The following L3MBTL4 variants were observed in gnomAD, a reference collection of about 807,000 sequenced individuals.
The protein encoded by L3MBTL4 is lethal(3)malignant brain tumor-like protein 4.
A neutral mutation model predicts 84.5 loss-of-function variants in L3MBTL4; 70 were observed. That is an observed-to-expected ratio of 0.83 (90% CI 0.68 to 1.01). The LOEUF (loss-of-function observed/expected upper bound fraction) is 1.01. Among genes scored for constraint, L3MBTL4 ranks in the 50% least tolerant of loss-of-function variants. The pLI is 0.00. For missense variants in L3MBTL4, 715 were observed against 754.8 expected (o/e 0.95, Z 0.62); for synonymous variants, 274 against 259.8 (o/e 1.05, Z -0.52).
chr18:6,149,773 C>T (rs1458546670), intron 13 of L3MBTL4, among the ~76,000 whole-genome samples: 2 of 152,166 alleles, frequency 1.3e-5, no homozygotes, highest in Non-Finnish European at 2.9e-5. Context: ...AGAAAACCCA[C>T]CTAATTTGGT....
chr18:6,285,189 C>T (rs1011971958), intron 4 of L3MBTL4, among the ~76,000 whole-genome samples: 2 of 152,190 alleles, frequency 1.3e-5, no homozygotes, highest in African/African-American at 4.8e-5. Context: ...CACAGGGAGG[C>T]AGCCGGATGG....
chr18:6,404,471 T>C (rs1220762595), intron 1 of L3MBTL4, among the ~76,000 whole-genome samples: 1 of 152,192 alleles, frequency 6.6e-6, no homozygotes, highest in African/African-American at 2.4e-5. Flanking sequence ...TCGATTTCTG[T>C]TCTGTTCTGC....
intron 14 of L3MBTL4, among the ~76,000 whole-genome samples, chr18:6,099,464 G>C (rs1328934578): frequency 6.6e-6 from 1 of 150,724 alleles, no homozygotes; most frequent in Non-Finnish European, 1.5e-5. Flanking sequence ...TGGGAAGTAA[G>C]AGCCATCATG....
chr18:5,969,654 G>C, intron 16 of L3MBTL4, 92 bp from the exon 17 acceptor site: 1 of 1,323,970 alleles, frequency 7.6e-7, no homozygotes, highest in Non-Finnish European at 1.0e-6. Context: ...CAAGTCAGGG[G>C]ACGGAAAGTG....
At chr18:6,219,146 C>A (rs1019872002) in intron 10 of L3MBTL4, among the ~76,000 whole-genome samples, 1 of 151,992 alleles carries the variant, frequency 6.6e-6, no homozygotes, top group Admixed American at 6.6e-5. Flanking sequence ...GAGCAGCCTG[C>A]CAAGTGCTAT....
intron 10 of L3MBTL4, among the ~76,000 whole-genome samples, chr18:6,220,270 T>C (rs1161306323): frequency 2.0e-5 from 3 of 152,150 alleles, no homozygotes; most frequent in African/African-American, 7.2e-5. Flanking sequence ...GAAAAGCAAG[T>C]GCTTACCATG....
chr18:6,198,584 C>T, intron 12 of L3MBTL4, among the ~76,000 whole-genome samples: 1 of 152,114 alleles, frequency 6.6e-6, no homozygotes, highest in East Asian at 1.9e-4. Context: ...TTCTCCATTC[C>T]AAGCCACCTG....
intron 4 of L3MBTL4, among the ~76,000 whole-genome samples, chr18:6,281,009 C>T (rs1017845423): frequency 6.6e-6 from 1 of 151,832 alleles, no homozygotes; most frequent in Admixed American, 6.6e-5. Context: ...CTGCTTGAGC[C>T]GCTATGTCTG....
intron 7 of L3MBTL4, 84 bp from the exon 8 acceptor site, chr18:6,241,533 T>C: frequency 1.3e-6 from 1 of 762,940 alleles, no homozygotes; most frequent in African/African-American, 1.8e-5. Flanking sequence ...CAAAAGTAAG[T>C]GCGGTTTTGG....
intron 12 of L3MBTL4, among the ~76,000 whole-genome samples, chr18:6,188,915 C>T (rs543497723): frequency 3.9e-5 from 6 of 152,342 alleles, no homozygotes; most frequent in African/African-American, 1.4e-4. Flanking sequence ...CTGCAACCTG[C>T]TTCATTCTTA....
intron 16 of L3MBTL4, among the ~76,000 whole-genome samples, chr18:5,996,886 T>C (rs1188516586): frequency 6.6e-6 from 1 of 152,074 alleles, no homozygotes; most frequent in Non-Finnish European, 1.5e-5. Context: ...AAACCACCAA[T>C]ATCAAAAGTA....
intron 16 of L3MBTL4, among the ~76,000 whole-genome samples, chr18:6,002,995 A>C (rs1475722735): frequency 6.6e-6 from 1 of 150,774 alleles, no homozygotes; most frequent in Non-Finnish European, 1.5e-5. Flanking sequence ...GAAAGGGAAA[A>C]GATGTAAAAG....
Position 5,969,447 on chromosome 18 carries a change from A to G in L3MBTL4, c.1560T>C (p.Leu520=). 6.2e-7 allele frequency: 1 copy of G among 1,613,972 alleles called. No individual in the cohort carries two copies. Among genetic ancestry groups the G allele is most frequent in the Non-Finnish European group, 8.5e-7 (1 of 1,180,026 alleles). Residue 520 remains leucine, a synonymous_variant, in exon 17 of 19, where the codon CTT becomes CTC. Coordinates refer to ENST00000317931, the MANE Select transcript of L3MBTL4 (RefSeq NM_001330559.2). ...PLGREQHCKL[L]PGVADIRASQ... ...TGGCCCGGATGTCAGCCACGCCTGG[A>G]AGCAACTTGCAGTGTTGCTCCCTGC...
At chr18:6,220,199 T>A (rs1293559952) in intron 10 of L3MBTL4, among the ~76,000 whole-genome samples, 1 of 151,966 alleles carries the variant, frequency 6.6e-6, no homozygotes, top group Non-Finnish European at 1.5e-5. Context: ...TAAACAATGG[T>A]AAATATAAGT....
chr18:6,021,251 G>A (rs1053606350), intron 16 of L3MBTL4, among the ~76,000 whole-genome samples: 1 of 152,212 alleles, frequency 6.6e-6, no homozygotes, highest in African/African-American at 2.4e-5. Context: ...CTGAGGGCGG[G>A]GAGGAGCTCT....
In L3MBTL4 at chr18:6,219,294, T is replaced by C. The variant is rs142722484; in HGVS notation, c.785-3459A>G. Among the ~76,000 whole-genome samples, 1,130 of 152,022 alleles carry C rather than the reference T, an allele frequency of 7.4e-3. 20 individuals are homozygous for C. Among genetic ancestry groups the C allele is most frequent in the African/African-American group, 0.026 (1,063 of 41,524 alleles). ...GGCAGCCCCTTTCAGGCCTCAGGAC[T>C]GAGATGCTGAGCTCCCTCTGGAGGC... On this transcript the variant is annotated intron_variant, in intron 10 of 18. Transcript: ENST00000317931.
intron 1 of L3MBTL4, among the ~76,000 whole-genome samples, chr18:6,390,689 GCTATGCACACCT>G (rs1482503430): frequency 4.1e-4 from 63 of 152,204 alleles, no homozygotes; most frequent in African/African-American, 1.5e-3. Context: ...CTTCGAGACT[GCTATGCACACCT>G]CTATGCACAC....
intron 1 of L3MBTL4, among the ~76,000 whole-genome samples, chr18:6,406,671 C>A (rs982583990): frequency 2.0e-5 from 3 of 152,152 alleles, no homozygotes; most frequent in African/African-American, 7.2e-5. Context: ...AGGCAAGGAA[C>A]ACTGACTGCT....
chr18:6,205,731 G>A (rs181263782), intron 12 of L3MBTL4, among the ~76,000 whole-genome samples: 11 of 152,244 alleles, frequency 7.2e-5, no homozygotes, highest in African/African-American at 2.4e-4. Flanking sequence ...ATCTTGCTTC[G>A]TTAGTCCATT....
Sources: allele counts gnomAD v4.1 joint callset (sites outside exome capture counted in the v4.1 genomes callset), GRCh38; gene constraint gnomAD v4.1.1; transcripts MANE v1.5; gene names NCBI Gene and HGNC (gene_info 2026-07-23, HGNC 2026-07-21).